The following DAB1 variants were observed in gnomAD, a reference collection of about 807,000 sequenced individuals.
DAB1 encodes the protein disabled homolog 1.
A neutral mutation model predicts 64.6 loss-of-function variants in DAB1; 15 were observed. The observed-to-expected ratio is 0.23, with a 90% CI of 0.16 to 0.36. The LOEUF (loss-of-function observed/expected upper bound fraction) is 0.36, where lower values mean the gene tolerates loss of function less well. Among genes scored for constraint, DAB1 ranks in the 10% least tolerant of loss-of-function variants. The probability of loss-of-function intolerance (pLI) is 1.00; values close to 1 mark genes in which losing one functional copy is unlikely to be tolerated. For missense variants in DAB1, 596 were observed against 706.7 expected (o/e 0.84, Z 1.78); for synonymous variants, 235 against 251.9 (o/e 0.93, Z 0.64).
intron 7 of DAB1, among the ~76,000 whole-genome samples, chr1:57,539,986 G>T (rs764379350): frequency 6.6e-6 from 1 of 152,126 alleles, no homozygotes; most frequent in Non-Finnish European, 1.5e-5. Flanking sequence ...GCCACATTTT[G>T]GTGGCCGTGC....
At chr1:58,090,459 G>A (rs942406271) in intron 5 of DAB1, among the ~76,000 whole-genome samples, 3 of 152,034 alleles carry the variant, frequency 2.0e-5, no homozygotes, top group Admixed American at 6.6e-5. Context: ...TTTCTCCTCC[G>A]GGCCTATCAT....
At chr1:58,477,529 G>A (rs144159505) in intron 3 of DAB1, among the ~76,000 whole-genome samples, 9 of 152,160 alleles carry the variant, frequency 5.9e-5, no homozygotes, top group Middle Eastern at 3.4e-3. Flanking sequence ...GATCCTGATA[G>A]GTCCAAGCCA....
At chr1:57,583,626 G>A (rs552652298) in intron 7 of DAB1, among the ~76,000 whole-genome samples, 1 of 152,052 alleles carries the variant, frequency 6.6e-6, no homozygotes. Flanking sequence ...GATTTCTGTT[G>A]GCAAACCAGT....
At chr1:57,536,860 G>A (rs1398109894) in intron 7 of DAB1, among the ~76,000 whole-genome samples, 1 of 151,996 alleles carries the variant, frequency 6.6e-6, no homozygotes, top group Non-Finnish European at 1.5e-5. Context: ...AGTTTGGAAT[G>A]TAGAGACCCA....
intron 1 of DAB1, among the ~76,000 whole-genome samples, chr1:57,400,017 C>A (rs1400976070): frequency 1.3e-5 from 2 of 152,162 alleles, no homozygotes; most frequent in Non-Finnish European, 2.9e-5. Context: ...GCCCAGCACT[C>A]ATTGCACTGA....
chr1:58,447,419 G>A (rs1311487058), intron 3 of DAB1, among the ~76,000 whole-genome samples: 2 of 152,062 alleles, frequency 1.3e-5, no homozygotes, highest in Admixed American at 6.5e-5. Context: ...AAACTTTCCT[G>A]CTATGTACCA....
intron 2 of DAB1, among the ~76,000 whole-genome samples, chr1:57,250,336 T>C (rs1669238364): frequency 6.6e-6 from 1 of 152,214 alleles, no homozygotes; most frequent in African/African-American, 2.4e-5. Context: ...CACTAATGTT[T>C]CAATATCTTT....
At chr1:58,420,193 T>C (rs1220592788) in intron 3 of DAB1, among the ~76,000 whole-genome samples, 2 of 152,224 alleles carry the variant, frequency 1.3e-5, no homozygotes, top group Non-Finnish European at 2.9e-5. Context: ...TAAAAGAATT[T>C]CACAGAAAAG....
chr1:57,274,342 G>GCT lies in DAB1; in HGVS notation c.67+16620_67+16621dup, dbSNP rs1255030575. Among the ~76,000 whole-genome samples, 8 of 152,284 alleles carry GCT rather than the reference G, an allele frequency of 5.3e-5. No homozygotes were observed. In the East Asian group the frequency reaches 1.5e-3, roughly 29 times the overall value. Reference sequence around the variant, plus strand: ...ACAATGTTCTAAGTCAGAGGCTGATGCTTCACCACTTGTTCAGCTGTGGGC... The same window carrying GCT: ...ACAATGTTCTAAGTCAGAGGCTGATGCTCTTCACCACTTGTTCAGCTGTGGGC... On this transcript the variant is annotated intron_variant, in intron 2 of 14. Coordinates refer to ENST00000371236, the MANE Select transcript of DAB1 (RefSeq NM_001365792.1).
At chr1:57,578,408 G>A (rs1034215278) in intron 7 of DAB1, among the ~76,000 whole-genome samples, 1 of 152,170 alleles carries the variant, frequency 6.6e-6, no homozygotes, top group Non-Finnish European at 1.5e-5. Context: ...AAGCTTCATG[G>A]GCTTTGGAGT....
At chr1:57,808,165 TTTC>T (rs1398043987) in intron 6 of DAB1, among the ~76,000 whole-genome samples, 1 of 147,914 alleles carries the variant, frequency 6.8e-6, no homozygotes, top group Non-Finnish European at 1.5e-5. Context: ...TCCCTTTCTC[TTTC>T]TTTTTCTCTC....
At chr1:57,717,248 A>G (rs934283272) in intron 6 of DAB1, among the ~76,000 whole-genome samples, 1 of 151,950 alleles carries the variant, frequency 6.6e-6, no homozygotes, top group Non-Finnish European at 1.5e-5. Flanking sequence ...AATTTAAAAG[A>G]ATAAATAAAA....
rs1296279370 is a variant in DAB1, at chr1:58,269,368, T to C, written n.309+73984A>G. On this transcript the variant is annotated intron_variant and non_coding_transcript_variant, in intron 4 of 20. Coordinates refer to the DAB1 transcript ENST00000485760. The stretch of plus-strand genomic sequence containing the variant: ...CTCATCATTTTTTATGGCTGCATAG[T>C]AGTCCATGGTGTATATGTGCCACAT... Among the ~76,000 whole-genome samples, 6 of 150,786 alleles carry C rather than the reference T, an allele frequency of 4.0e-5. No individual in the cohort carries two copies. In the East Asian group the frequency reaches 5.9e-4, roughly 15 times the overall value.
In DAB1 at chr1:57,072,483, A is replaced by C. The variant is rs564966960; in HGVS notation, c.307-69T>G. On this transcript the variant is annotated intron_variant, in intron 4 of 14. Transcript: ENST00000371236. The stretch of plus-strand genomic sequence containing the variant: ...CCTTCGAGCTGTTGATCAATAAGAA[A>C]TGTGTTTCAGCTACGTGTGAACAGG... 7.0e-6 allele frequency: 11 copies of C among 1,568,892 alleles called. No individual in the cohort carries two copies. In the South Asian group the frequency reaches 1.1e-4, roughly 16 times the overall value.
chr1:57,803,089 A>G (rs777484123), intron 6 of DAB1, among the ~76,000 whole-genome samples: 3 of 152,200 alleles, frequency 2.0e-5, no homozygotes, highest in Non-Finnish European at 4.4e-5. Flanking sequence ...GCAGCTTGGT[A>G]ACTTGTCCTT....
At chr1:57,708,174 G>C (rs1646989508) in intron 6 of DAB1, among the ~76,000 whole-genome samples, 1 of 152,230 alleles carries the variant, frequency 6.6e-6, no homozygotes, top group Non-Finnish European at 1.5e-5. Flanking sequence ...TCAGTCAACA[G>C]GTGGTGAATT....
In DAB1 at chr1:57,281,874, T is replaced by C. The variant is rs368317104; in HGVS notation, c.67+9090A>G. 4.6e-5 allele frequency among the ~76,000 whole-genome samples: 7 copies of C among 152,136 alleles called. No homozygotes were observed. In the South Asian group the frequency reaches 6.2e-4, roughly 14 times the overall value. On this transcript the variant is annotated intron_variant, in intron 2 of 14. Coordinates refer to ENST00000371236, the MANE Select transcript of DAB1 (RefSeq NM_001365792.1). ...CTCACATGAATTGATAATCAGTGAT[T>C]AATTAATTGAGGATGTTAGGAAACT... is the stretch of plus-strand genomic sequence containing the variant.
rs1662130019 is a variant in DAB1 at position 58,300,634 on chromosome 1, G to GAC, written n.309+42717_309+42718insGT. Among the ~76,000 whole-genome samples the GAC allele has an allele frequency of 6.7e-4, 43 of 64,438 alleles. 2 individuals are homozygous for GAC. Among genetic ancestry groups the GAC allele is most frequent in the African/African-American group, 2.2e-3 (43 of 19,252 alleles). The allele number at this position is 64,438 out of a possible 152,430, so 42.3% of individuals were successfully genotyped here. ...AAAGAGAGAGAGAGAGAGAGAGAGA[G>GAC]AGAGAGAGAGAGAGGAAGGAAGGAA... On this transcript the variant is annotated intron_variant and non_coding_transcript_variant, in intron 4 of 20. Coordinates refer to the DAB1 transcript ENST00000485760.
At chr1:57,224,485 G>A (rs1216310575) in intron 2 of DAB1, among the ~76,000 whole-genome samples, 1 of 152,148 alleles carries the variant, frequency 6.6e-6, no homozygotes, top group Non-Finnish European at 1.5e-5. Flanking sequence ...CATCCTGACT[G>A]AGCCAAGATG....
Sources: allele counts gnomAD v4.1 joint callset (sites outside exome capture counted in the v4.1 genomes callset), GRCh38; gene constraint gnomAD v4.1.1; transcripts MANE v1.5; gene names NCBI Gene and HGNC (gene_info 2026-07-23, HGNC 2026-07-21).